RNF13: variants seen among roughly 807,000 people sequenced by gnomAD.
The protein encoded by RNF13 is E3 ubiquitin-protein ligase RNF13.
Under a neutral mutation model 37.7 loss-of-function variants are expected in RNF13, and 19 were observed. The ratio of observed to expected loss-of-function variants is 0.50; its 90% CI spans 0.35 to 0.74. The LOEUF is 0.74. Among genes scored for constraint, RNF13 ranks in the 30% least tolerant of loss-of-function variants. The probability of loss-of-function intolerance (pLI) is 0.01; values close to 1 mark genes in which losing one functional copy is unlikely to be tolerated. For synonymous variants in RNF13, 144 were observed against 157.8 expected (o/e 0.91, Z 0.65); for missense variants, 375 against 453.0 (o/e 0.83, Z 1.56).
At chr3:149,931,580 T>C (rs1719168682) in intron 8 of RNF13, among the ~76,000 whole-genome samples, 1 of 152,198 alleles carries the variant, frequency 6.6e-6, no homozygotes, top group African/African-American at 2.4e-5. Flanking sequence ...ATATAATAGT[T>C]GTACATATTT....
At chr3:149,849,129 GT>G (rs1722911422) in intron 2 of RNF13, among the ~76,000 whole-genome samples, 1 of 151,990 alleles carries the variant, frequency 6.6e-6, no homozygotes, top group African/African-American at 2.4e-5. Flanking sequence ...AATTATGTAG[GT>G]TTATACTAGA....
intron 8 of RNF13, among the ~76,000 whole-genome samples, chr3:149,943,652 C>T (rs543322162): frequency 1.1e-4 from 16 of 152,252 alleles, no homozygotes; most frequent in African/African-American, 3.6e-4. Flanking sequence ...GTTCACTGCC[C>T]TAGCAATCCT....
rs138649895 is a variant in RNF13 at position 149,904,527 on chromosome 3, G to A, written c.500+2365G>A. On this transcript the variant is annotated intron_variant, in intron 6 of 9. Coordinates refer to ENST00000392894, the MANE Select transcript of RNF13 (RefSeq NM_183381.3). Reference sequence around the variant, plus strand: ...TCCCCAGCAGCTGGGGGCTACAGGCGAATTCTTTTTTTAAAAGAAAGTGAA... The same window carrying A: ...TCCCCAGCAGCTGGGGGCTACAGGCAAATTCTTTTTTTAAAAGAAAGTGAA... 2.2e-3 allele frequency among the ~76,000 whole-genome samples: 332 copies of A among 152,150 alleles called. 3 individuals carry two copies. Among genetic ancestry groups the A allele is most frequent in the African/African-American group, 7.2e-3 (301 of 41,518 alleles).
chr3:149,929,216 T>C (rs1300708348), intron 8 of RNF13, among the ~76,000 whole-genome samples: 1 of 152,210 alleles, frequency 6.6e-6, no homozygotes, highest in African/African-American at 2.4e-5. Context: ...TCAGGAAACT[T>C]CTAATCATGG....
intron 4 of RNF13, among the ~76,000 whole-genome samples, chr3:149,890,748 C>T (rs1280804392): frequency 1.3e-5 from 2 of 152,064 alleles, no homozygotes; most frequent in African/African-American, 4.8e-5. Flanking sequence ...TTTTAAGATA[C>T]CATTTGCCCT....
intron 4 of RNF13, among the ~76,000 whole-genome samples, chr3:149,883,510 TTA>T (rs1341431142): frequency 6.6e-6 from 1 of 152,108 alleles, no homozygotes; most frequent in East Asian, 1.9e-4. Flanking sequence ...ATTTATAATT[TTA>T]TGTCTTTATA....
At chr3:149,949,855 C>T (rs939369442) in intron 8 of RNF13, among the ~76,000 whole-genome samples, 17 of 151,722 alleles carry the variant, frequency 1.1e-4, no homozygotes, top group East Asian at 3.9e-4. Flanking sequence ...TTCAGGAAAT[C>T]CCTAGTCATT....
chr3:149,815,776 A>G (rs1576700253), intron 1 of RNF13, among the ~76,000 whole-genome samples: 2 of 152,274 alleles, frequency 1.3e-5, no homozygotes, highest in Non-Finnish European at 1.5e-5. Flanking sequence ...AGCATAGTAT[A>G]TCAACAACAA....
intron 7 of RNF13, among the ~76,000 whole-genome samples, chr3:149,913,498 TAACTA>T (rs997680427): frequency 5.9e-5 from 9 of 152,224 alleles, no homozygotes; most frequent in African/African-American, 2.2e-4. Flanking sequence ...ACATTACTGT[TAACTA>T]AACTCCACAT....
At chr3:149,831,764 A>T (rs759645132) in intron 1 of RNF13, among the ~76,000 whole-genome samples, 8 of 151,854 alleles carry the variant, frequency 5.3e-5, no homozygotes, top group Non-Finnish European at 1.0e-4. Flanking sequence ...ATTTCTTCAT[A>T]GCAGTATGAA....
At chr3:149,861,105 A>G (rs1469000351) in intron 3 of RNF13, among the ~76,000 whole-genome samples, 2 of 152,320 alleles carry the variant, frequency 1.3e-5, no homozygotes, top group East Asian at 1.9e-4. Context: ...AATGACAAAA[A>G]AAAAGACAGA....
chr3:149,865,186 AT>A (rs1348366861), intron 3 of RNF13, among the ~76,000 whole-genome samples: 1 of 151,772 alleles, frequency 6.6e-6, no homozygotes, highest in Non-Finnish European at 1.5e-5. Flanking sequence ...ATAAAAAAAA[AT>A]AAAAACAAGC....
chr3:149,952,529 C>T (rs1354794953), intron 8 of RNF13, among the ~76,000 whole-genome samples: 1 of 152,040 alleles, frequency 6.6e-6, no homozygotes, highest in Non-Finnish European at 1.5e-5. Context: ...GTGTTGTACA[C>T]CCTCATTTCC....
rs1444370601 is a variant in RNF13, at chr3:149,872,523, G to GT, written c.321+375dup. Among the ~76,000 whole-genome samples, 9 of 152,286 alleles carry GT rather than the reference G, an allele frequency of 5.9e-5. No individual in the cohort carries two copies. In the East Asian group the frequency reaches 1.7e-3, roughly 29 times the overall value. ...TAAGTTAAATCTGCCCCTGTGTAAA[G>GT]TTTTTTCTCTCTGACATGGGTTAAG... On this transcript the variant is annotated intron_variant, in intron 4 of 9. Transcript: ENST00000392894.
chr3:149,831,474 T>C (rs1253503755), intron 1 of RNF13, among the ~76,000 whole-genome samples: 2 of 152,228 alleles, frequency 1.3e-5, no homozygotes, highest in Non-Finnish European at 2.9e-5. Flanking sequence ...AATTTCAGTC[T>C]GCATGGACTC....
chr3:149,937,440 C>CT (rs1719812545), intron 8 of RNF13, among the ~76,000 whole-genome samples: 1 of 152,088 alleles, frequency 6.6e-6, no homozygotes. Flanking sequence ...TAATTTTTCA[C>CT]TTTTTTGTGA....
chr3:149,917,641 C>A (rs1717681489), intron 7 of RNF13, among the ~76,000 whole-genome samples: 1 of 152,126 alleles, frequency 6.6e-6, no homozygotes, highest in South Asian at 2.1e-4. Flanking sequence ...TTTTACATTT[C>A]CAAAATATGT....
At chr3:149,896,930 G>C (rs1715332024) in intron 5 of RNF13, among the ~76,000 whole-genome samples, 1 of 152,008 alleles carries the variant, frequency 6.6e-6, no homozygotes, top group South Asian at 2.1e-4. Context: ...AATCCATTAA[G>C]TACCCATAAG....
chr3:149,832,854 G>A (rs1721199206), intron 1 of RNF13, among the ~76,000 whole-genome samples: 1 of 152,062 alleles, frequency 6.6e-6, no homozygotes, highest in Non-Finnish European at 1.5e-5. Flanking sequence ...AGCTTGCACA[G>A]ACCTATGGGA....
Sources: allele counts gnomAD v4.1 joint callset (sites outside exome capture counted in the v4.1 genomes callset), GRCh38; gene constraint gnomAD v4.1.1; transcripts MANE v1.5; gene names NCBI Gene and HGNC (gene_info 2026-07-23, HGNC 2026-07-21).